Variants in JHY observed in about 807,000 individuals in gnomAD.
The protein encoded by JHY is jhy protein homolog.
In JHY, 69 loss-of-function variants were observed where a neutral mutation model predicts 78.0. The observed-to-expected ratio is 0.88, with a 90% CI of 0.73 to 1.08. The LOEUF (loss-of-function observed/expected upper bound fraction) is 1.08, where lower values mean the gene tolerates loss of function less well. Ranked by LOEUF, JHY falls within the 50% of genes least tolerant of loss-of-function variation. The probability of loss-of-function intolerance (pLI) is 0.00; values close to 1 mark genes in which losing one functional copy is unlikely to be tolerated. For synonymous variants in JHY, 368 were observed against 342.6 expected (o/e 1.07, Z -0.82); for missense variants, 944 against 927.8 (o/e 1.02, Z -0.23).
At chr11:122,949,979 G>A (rs1024713439) in intron 6 of JHY, among the ~76,000 whole-genome samples, 2 of 151,604 alleles carry the variant, frequency 1.3e-5, no homozygotes, top group Admixed American at 6.6e-5. Context: ...GATTACAGGC[G>A]CACACCACTA....
At chr11:122,921,388 A>T (rs2135335406) in intron 3 of JHY, among the ~76,000 whole-genome samples, 1 of 152,312 alleles carries the variant, frequency 6.6e-6, no homozygotes, top group East Asian at 1.9e-4. Context: ...TCTATGAAAG[A>T]GTTCAACTTC....
intron 5 of JHY, 27 bp from the exon 6 acceptor site, chr11:122,946,471 A>G: frequency 6.5e-7 from 1 of 1,545,250 alleles, no homozygotes; most frequent in Non-Finnish European, 8.7e-7. Context: ...TTATTAATAG[A>G]TTTGTGCCTT....
rs537158486 is a variant in JHY at position 122,937,811 on chromosome 11, C to T, written c.1634+2736C>T. Among the ~76,000 whole-genome samples, 230 of 152,188 alleles carry T rather than the reference C, an allele frequency of 1.5e-3. 1 individual carries two copies. The highest frequency in any genetic ancestry group is 5.3e-3 in the African/African-American group (220 of 41,510). On this transcript the variant is annotated intron_variant, in intron 5 of 8. Transcript: ENST00000227349. ...GTCTCTAATTTTGATAGAGAACATC[C>T]TCCATTGCTTGAGAGGTAAATGTTT... is the stretch of plus-strand genomic sequence containing the variant.
At chr11:122,894,202 G>A (rs1862688325) in intron 2 of JHY, among the ~76,000 whole-genome samples, 1 of 151,996 alleles carries the variant, frequency 6.6e-6, no homozygotes, top group Admixed American at 6.6e-5. Context: ...AGCTATTCAG[G>A]AGGCTTAGGC....
intron 3 of JHY, among the ~76,000 whole-genome samples, chr11:122,906,383 TG>T (rs1862993786): frequency 6.6e-6 from 1 of 152,220 alleles, no homozygotes; most frequent in South Asian, 2.1e-4. Context: ...TTTATAGAGA[TG>T]GGGGTCTCAT....
chr11:122,899,002 GTT>G lies in JHY; in HGVS notation c.345-4922_345-4921del, dbSNP rs568323841. On this transcript the variant is annotated intron_variant, in intron 2 of 8. Transcript: ENST00000227349. The stretch of plus-strand genomic sequence containing the variant: ...AGACTTCCTGCCCTTCTCAGCCTTA[GTT>G]CTGAGTCACGCCAGCACTTCCTCCA... 1.1e-4 allele frequency among the ~76,000 whole-genome samples: 17 copies of G among 152,116 alleles called. No individual in the cohort carries two copies. In the South Asian group the frequency reaches 3.5e-3, roughly 32 times the overall value.
At chr11:122,886,591 A>AT (rs1488011277) in intron 2 of JHY, among the ~76,000 whole-genome samples, 2 of 151,662 alleles carry the variant, frequency 1.3e-5, no homozygotes, top group South Asian at 2.1e-4. Context: ...TCTTTTTTTT[A>AT]TTTTTTTAAA....
chr11:122,887,619 C>T (rs1862524222), intron 2 of JHY, among the ~76,000 whole-genome samples: 2 of 151,680 alleles, frequency 1.3e-5, no homozygotes, highest in Non-Finnish European at 2.9e-5. Context: ...CTGTGCCCGG[C>T]CGATTTTTTT....
intron 3 of JHY, among the ~76,000 whole-genome samples, chr11:122,921,996 A>T (rs1462834148): frequency 2.0e-5 from 3 of 152,130 alleles, no homozygotes; most frequent in African/African-American, 7.2e-5. Flanking sequence ...AGAGAGAGAA[A>T]GAAGAGAAAT....
intron 3 of JHY, among the ~76,000 whole-genome samples, chr11:122,918,603 G>A (rs1863284943): frequency 6.6e-6 from 1 of 151,408 alleles, no homozygotes; most frequent in South Asian, 2.1e-4. Flanking sequence ...GGAAGATGAA[G>A]TTCTAGTTTC....
At chr11:122,888,356 C>T (rs1862539623) in intron 2 of JHY, among the ~76,000 whole-genome samples, 1 of 152,192 alleles carries the variant, frequency 6.6e-6, no homozygotes, top group African/African-American at 2.4e-5. Context: ...ATGGATATGA[C>T]AGTAACAATG....
chr11:122,960,260 CT>C lies in JHY; in HGVS notation c.*816del, dbSNP rs1864284023. The C allele has an allele frequency of 1.3e-5, 2 of 153,424 alleles. No individual in the cohort carries two copies. Among genetic ancestry groups the C allele is most frequent in the African/African-American group, 4.8e-5 (2 of 41,442 alleles). The allele number at this position is 153,424 out of a possible 1,614,324, so 9.5% of individuals were successfully genotyped here. ...ACAACAACAACAAAAGGTTCCTGCC[CT>C]GACAGATTCTCTGGTCGGGGTCACA... On this transcript the variant is annotated 3_prime_UTR_variant, in exon 9 of 9. Transcript: ENST00000227349.
At position 122,886,065 on chromosome 11, in the gene JHY, C is replaced by G. The variant is rs758340973; in HGVS notation, c.216C>G (p.Asp72Glu). 5.0e-6 allele frequency: 8 copies of G among 1,614,126 alleles called. No individual in the cohort carries two copies. The South Asian group carries it at 8.8e-5, about 18-fold the overall frequency. ...TCCGGGGCAACGGTATGGAGCCCGA[C>G]AGCTTAGACGAGGAGGAAAGCCCTC... ...DRIRGNGMEP[D>E]SLDEEESPRW... Residue 72 changes from aspartate (D) to glutamate (E), a missense_variant, in exon 2 of 9, where the codon GAC becomes GAG. Coordinates refer to ENST00000227349, the MANE Select transcript of JHY (RefSeq NM_024806.4).
intron 2 of JHY, among the ~76,000 whole-genome samples, chr11:122,886,912 T>C (rs17126941): frequency 0.015 from 2,277 of 152,286 alleles, 68 homozygotes; most frequent in African/African-American, 0.052. Flanking sequence ...GCTTGTATGA[T>C]CATATAAAGA....
At chr11:122,925,364 A>G (rs1863473978) in intron 4 of JHY, among the ~76,000 whole-genome samples, 1 of 152,194 alleles carries the variant, frequency 6.6e-6, no homozygotes, top group Non-Finnish European at 1.5e-5. Flanking sequence ...TTCCTTTTGG[A>G]GTTGGCAGTT....
intron 2 of JHY, among the ~76,000 whole-genome samples, chr11:122,900,627 G>A (rs1353554522): frequency 1.4e-5 from 2 of 142,364 alleles, no homozygotes; most frequent in Non-Finnish European, 3.0e-5. Context: ...AGGTTAGTTT[G>A]TTTTTCTCAG....
intron 5 of JHY, among the ~76,000 whole-genome samples, chr11:122,939,652 T>G (rs1863831458): frequency 6.6e-6 from 1 of 152,212 alleles, no homozygotes. Flanking sequence ...CATTTTGAAA[T>G]TGTTCACACC....
intron 2 of JHY, among the ~76,000 whole-genome samples, chr11:122,897,089 T>G (rs1862755244): frequency 6.6e-6 from 1 of 152,092 alleles, no homozygotes; most frequent in Non-Finnish European, 1.5e-5. Context: ...ACTCCTGACC[T>G]CATAATCCAC....
At chr11:122,924,264 T>C (rs1863443328) in intron 3 of JHY, among the ~76,000 whole-genome samples, 1 of 152,162 alleles carries the variant, frequency 6.6e-6, no homozygotes, top group Admixed American at 6.5e-5. Context: ...CTAGGATATT[T>C]CTAATAAGTG....
Sources: gnomAD v4.1 joint callset for allele counts (sites outside exome capture counted in the v4.1 genomes callset) on GRCh38, gnomAD v4.1.1 for gene constraint, MANE v1.5 for transcripts, NCBI Gene and HGNC (gene_info 2026-07-23, HGNC 2026-07-21) for gene names.